PCDH11Y: variants seen among roughly 807,000 people sequenced by gnomAD.
The protein encoded by PCDH11Y is protocadherin 11 Y-linked.
For missense variants in PCDH11Y, 12 were observed against 224.8 expected (o/e 0.05, Z 6.05); for synonymous variants, 9 against 83.6 (o/e 0.11, Z 4.87).
intron 2 of PCDH11Y, among the ~76,000 whole-genome samples, chrY:5,158,030 T>C: frequency 9.1e-5 from 3 of 32,970 alleles, no homozygotes; most frequent in Non-Finnish European, 1.5e-4. Context: ...AGTTCTGGGA[T>C]ACTTTCTGTG....
At chrY:5,271,736 C>A (rs2053037162) in intron 2 of PCDH11Y, among the ~76,000 whole-genome samples, 1 of 30,733 alleles carries the variant, frequency 3.3e-5, no homozygotes, top group Non-Finnish European at 8.3e-5. Flanking sequence ...TAAACACACA[C>A]TATCTCCTTT....
intron 2 of PCDH11Y, among the ~76,000 whole-genome samples, chrY:5,407,893 G>A (rs1602920912): frequency 2.3e-4 from 4 of 17,652 alleles, no homozygotes; most frequent in Non-Finnish European, 3.4e-4. Context: ...CAGCCTGGGC[G>A]ACAGAGCGAG....
exon 5 of PCDH11Y, chrY:5,740,589 G>A (rs2053616381): frequency 3.0e-5 from 1 of 32,916 alleles, no homozygotes; most frequent in African/African-American, 1.2e-4. Context: ...CTTCCTAAGC[G>A]TCCACTAGGT....
At chrY:5,437,948 C>G in intron 2 of PCDH11Y, among the ~76,000 whole-genome samples, 1 of 33,194 alleles carries the variant, frequency 3.0e-5, no homozygotes, top group East Asian at 8.0e-4. Context: ...CTGGATTTCT[C>G]TCTGTTTCAA....
intron 4 of PCDH11Y, among the ~76,000 whole-genome samples, chrY:5,658,285 C>A (rs2053538384): frequency 3.0e-5 from 1 of 32,965 alleles, no homozygotes; most frequent in Admixed American, 2.8e-4. Flanking sequence ...TTATTGAATG[C>A]CTTGAGGTTG....
intron 1 of PCDH11Y, among the ~76,000 whole-genome samples, chrY:5,076,655 C>G: frequency 3.0e-5 from 1 of 33,188 alleles, no homozygotes. Flanking sequence ...TTTCCAGCAC[C>G]ATTTATTGAA....
At chrY:5,254,294 A>T in intron 2 of PCDH11Y, among the ~76,000 whole-genome samples, 1 of 33,619 alleles carries the variant, frequency 3.0e-5, no homozygotes, top group Non-Finnish European at 7.4e-5. Context: ...GTAGTACAAA[A>T]TATTTCTAAA....
chrY:5,165,260 T>G (rs1602878623), intron 2 of PCDH11Y, among the ~76,000 whole-genome samples: 1 of 32,606 alleles, frequency 3.1e-5, no homozygotes, highest in African/African-American at 1.2e-4. Context: ...TCTTTGCAAG[T>G]GCACATAGAG....
intron 1 of PCDH11Y, among the ~76,000 whole-genome samples, chrY:5,022,619 C>CA (rs1556394865): frequency 3.0e-4 from 3 of 9,877 alleles, no homozygotes; most frequent in Admixed American, 1.1e-3. Flanking sequence ...GACCCTGTCT[C>CA]AAAAAAAAAA....
intron 2 of PCDH11Y, among the ~76,000 whole-genome samples, chrY:5,306,409 T>C (rs2053090836): frequency 3.0e-5 from 1 of 33,222 alleles, no homozygotes; most frequent in Non-Finnish European, 7.5e-5. Flanking sequence ...GATTATATGA[T>C]GGTTATTTAA....
intron 2 of PCDH11Y, among the ~76,000 whole-genome samples, chrY:5,357,137 C>T (rs2053167984): frequency 3.8e-5 from 1 of 26,506 alleles, no homozygotes; most frequent in Admixed American, 3.9e-4. Flanking sequence ...TGCAGTGAGC[C>T]GAGATCACGC....
At chrY:5,123,193 C>T (rs2052821084) in intron 2 of PCDH11Y, among the ~76,000 whole-genome samples, 1 of 31,866 alleles carries the variant, frequency 3.1e-5, no homozygotes, top group African/African-American at 1.2e-4. Flanking sequence ...TTTAAGATTT[C>T]TGAGCCTTAG....
intron 2 of PCDH11Y, among the ~76,000 whole-genome samples, chrY:5,120,999 C>T (rs2124640022): frequency 3.3e-5 from 1 of 29,860 alleles, no homozygotes; most frequent in Non-Finnish European, 8.1e-5. Flanking sequence ...ATCATCTTCT[C>T]TGTCTGAGAC....
intron 2 of PCDH11Y, among the ~76,000 whole-genome samples, chrY:5,303,349 T>C: frequency 2.4e-4 from 8 of 32,758 alleles, no homozygotes; most frequent in African/African-American, 9.6e-4. Context: ...GGCTGCTTCG[T>C]TGATATTGTC....
intron 2 of PCDH11Y, among the ~76,000 whole-genome samples, chrY:5,417,045 G>C: frequency 1.4e-4 from 4 of 29,563 alleles, no homozygotes; most frequent in Admixed American, 1.3e-3. Flanking sequence ...TCCAGAAGCT[G>C]TATGGAAGGG....
At chrY:5,459,214 C>G in intron 2 of PCDH11Y, among the ~76,000 whole-genome samples, 1 of 32,661 alleles carries the variant, frequency 3.1e-5, no homozygotes, top group Non-Finnish European at 7.6e-5. Flanking sequence ...TTCTTTTCTA[C>G]TTGTCTTGAT....
chrY:5,219,022 ATGT>A (rs2052949540), intron 2 of PCDH11Y, among the ~76,000 whole-genome samples: 1 of 34,471 alleles, frequency 2.9e-5, no homozygotes. Flanking sequence ...ATGTTCATCA[ATGT>A]TGTCACAAAT....
intron 3 of PCDH11Y, among the ~76,000 whole-genome samples, chrY:5,567,985 T>A (rs1283217135): frequency 0.069 from 2,096 of 30,426 alleles, no homozygotes; most frequent in Non-Finnish European, 0.11. Flanking sequence ...GCAAAAATAT[T>A]TTTTCTTTTT....
chrY:5,129,112 T>C, intron 2 of PCDH11Y, among the ~76,000 whole-genome samples: 2 of 33,372 alleles, frequency 6.0e-5, no homozygotes, highest in East Asian at 7.9e-4. Flanking sequence ...GCACACACTG[T>C]GGCCAAGGAA....
Sources: allele counts gnomAD v4.1 joint callset (sites outside exome capture counted in the v4.1 genomes callset), GRCh38; gene constraint gnomAD v4.1.1; transcripts MANE v1.5; gene names NCBI Gene and HGNC (gene_info 2026-07-23, HGNC 2026-07-21).